The following DCX variants were observed in gnomAD, a reference collection of about 807,000 sequenced individuals.
DCX encodes the protein neuronal migration protein doublecortin.
Under a neutral mutation model 20.9 loss-of-function variants are expected in DCX, and 4 were observed. That is an observed-to-expected ratio of 0.19 (90% CI 0.09 to 0.44). The LOEUF (loss-of-function observed/expected upper bound fraction) is 0.44. Among genes scored for constraint, DCX ranks in the 20% least tolerant of loss-of-function variants. The pLI, the probability that DCX is intolerant of heterozygous loss-of-function variation, is 0.99. For missense variants in DCX, 133 were observed against 296.9 expected (o/e 0.45, Z 4.06); for synonymous variants, 103 against 111.4 (o/e 0.92, Z 0.47).
intron 6 of DCX, 35 bp downstream of exon 6, chrX:111,312,604 G>C: frequency 8.5e-7 from 1 of 1,179,228 alleles, no homozygotes; most frequent in Non-Finnish European, 1.2e-6. Context: ...AGGAAACTGA[G>C]TGCAAAGAGG....
rs762062884 is a variant in DCX at position 111,389,353 on chromosome X, T to C, written c.705+11637A>G. On this transcript the variant is annotated intron_variant, in intron 3 of 6. Transcript: ENST00000636035. ...TACCCACCCATTTAATGCAAATGTC[T>C]ACAGGGCCTTTTCCTTGGACAATTT... Among the ~76,000 whole-genome samples, 89 of 111,353 alleles carry C rather than the reference T, an allele frequency of 8.0e-4. 1 individual carries two copies. The highest frequency in any genetic ancestry group is 1.5e-3 in the Non-Finnish European group (81 of 53,057).
rs148702836 is a variant in DCX at position 111,398,519 on chromosome X, G to A, written c.705+2471C>T. ...TATACAGAGGTACAGATGCCTGAAAGGGCATGGTTCAGATCCACTGGGCAC... is the reference window on the plus strand; with the variant it reads ...TATACAGAGGTACAGATGCCTGAAAAGGCATGGTTCAGATCCACTGGGCAC... On this transcript the variant is annotated intron_variant, in intron 3 of 6. Transcript: ENST00000636035. 9.5e-3 allele frequency among the ~76,000 whole-genome samples: 1,063 copies of A among 111,418 alleles called. 16 individuals are homozygous for A. The highest frequency in any genetic ancestry group is 0.033 in the African/African-American group (997 of 30,640).
At chrX:111,378,022 T>C (rs1323073097) in intron 3 of DCX, among the ~76,000 whole-genome samples, 1 of 111,127 alleles carries the variant, frequency 9.0e-6, no homozygotes, top group African/African-American at 3.3e-5. Context: ...GGACAAAACG[T>C]AGGGGCCAAG....
intron 4 of DCX, among the ~76,000 whole-genome samples, 163 bp downstream of exon 4, chrX:111,332,888 T>C (rs1415057057): frequency 2.7e-5 from 3 of 111,290 alleles, no homozygotes; most frequent in Non-Finnish European, 5.7e-5. Flanking sequence ...CAGTCTTACA[T>C]GGGTCATGAC....
rs188444796 is a variant in DCX, at chrX:111,383,158, T to C, written c.705+17832A>G. On this transcript the variant is annotated intron_variant, in intron 3 of 6. Coordinates refer to ENST00000636035, the MANE Select transcript of DCX (RefSeq NM_001195553.2). Reference sequence around the variant, plus strand: ...TCCTAAGCAAAAATGCCTGATACCATGCTAAAATCCCCAAACCTCATTCCT... The same window carrying C: ...TCCTAAGCAAAAATGCCTGATACCACGCTAAAATCCCCAAACCTCATTCCT... Among the ~76,000 whole-genome samples, 34 of 111,104 alleles carry C rather than the reference T, an allele frequency of 3.1e-4. No homozygotes were observed. In the East Asian group the frequency reaches 9.7e-3, roughly 32 times the overall value.
At chrX:111,345,288 C>T (rs193268607) in intron 3 of DCX, among the ~76,000 whole-genome samples, 3 of 111,988 alleles carry the variant, frequency 2.7e-5, no homozygotes, top group African/African-American at 9.7e-5. Flanking sequence ...ACCATAAGAA[C>T]CCTAGAAGAA....
At position 111,296,709 on chromosome X, in the gene DCX, A is replaced by C. The variant is rs1388292003; in HGVS notation, c.*4978T>G. 1.9e-5 allele frequency: 2 copies of C among 107,442 alleles called. No homozygotes were observed. The highest frequency in any genetic ancestry group is 2.0e-4 in the Admixed American group (2 of 10,064). The allele number at this position is 107,442 out of a possible 1,213,427, so 8.9% of individuals were successfully genotyped here. On this transcript the variant is annotated 3_prime_UTR_variant, in exon 7 of 7. Transcript: ENST00000636035. ...CTGGGAGGTGAAGGGTGAAGGTTGC[A>C]GCGAGCCAAGATTGTGCCACTGCAC...
intron 3 of DCX, among the ~76,000 whole-genome samples, chrX:111,379,159 A>G (rs1240689833): frequency 1.8e-5 from 2 of 112,552 alleles, no homozygotes; most frequent in East Asian, 2.8e-4. Context: ...CGCATAAACT[A>G]TATTACTGAA....
At position 111,311,051 on chromosome X, in the gene DCX, G is replaced by C. The variant is rs910400807; in HGVS notation, c.1044+1588C>G. Among the ~76,000 whole-genome samples, 5 of 112,428 alleles carry C rather than the reference G, an allele frequency of 4.4e-5. No homozygotes were observed. In the Admixed American group the frequency reaches 4.7e-4, roughly 11 times the overall value. On this transcript the variant is annotated intron_variant, in intron 6 of 6. Coordinates refer to ENST00000636035, the MANE Select transcript of DCX (RefSeq NM_001195553.2). ...ACCAAAAGGAAGGTAAGGGCAGAAA[G>C]GCATATAGGAGGTGCTGTGTGGACA...
intron 3 of DCX, among the ~76,000 whole-genome samples, chrX:111,377,106 C>T (rs1019921851): frequency 1.8e-5 from 2 of 111,519 alleles, no homozygotes; most frequent in African/African-American, 3.3e-5. Context: ...CCCTCCTCCT[C>T]CTGCCTCCAC....
At chrX:111,308,052 A>G (rs1034914421) in intron 6 of DCX, among the ~76,000 whole-genome samples, 2 of 112,352 alleles carry the variant, frequency 1.8e-5, no homozygotes, top group Non-Finnish European at 3.8e-5. Flanking sequence ...TTTCGTATTC[A>G]GAATGTATTT....
At position 111,387,322 on chromosome X, in the gene DCX, A is replaced by G. The variant is rs1926599651; in HGVS notation, c.705+13668T>C. Among the ~76,000 whole-genome samples the G allele has an allele frequency of 1.2e-4, 13 of 111,954 alleles. No individual in the cohort carries two copies. In the South Asian group the frequency reaches 4.9e-3, roughly 42 times the overall value. On this transcript the variant is annotated intron_variant, in intron 3 of 6. Transcript: ENST00000636035. ...ATATATACATCTTTATATCAGCACA[A>G]TGGTAGTTTGTTTTTTAGTGGAGGA...
intron 3 of DCX, among the ~76,000 whole-genome samples, chrX:111,397,264 T>G (rs978172235): frequency 3.6e-5 from 4 of 111,486 alleles, no homozygotes; most frequent in Non-Finnish European, 3.8e-5. Flanking sequence ...AATCAAGCGA[T>G]GGCCTTGATT....
At chrX:111,410,886 C>G in intron 1 of DCX, 6 of 1,211,280 alleles carry the variant, frequency 5.0e-6, no homozygotes, top group Non-Finnish European at 6.7e-6. Context: ...TTGAAGAGAA[C>G]AGAAGGAGCT....
intron 3 of DCX, among the ~76,000 whole-genome samples, chrX:111,361,706 T>G (rs933273932): frequency 4.4e-5 from 5 of 112,519 alleles, no homozygotes; most frequent in African/African-American, 1.6e-4. Flanking sequence ...CTTTAAATCA[T>G]CTGTACATTT....
chrX:111,336,964 A>C (rs958709126), intron 3 of DCX, among the ~76,000 whole-genome samples: 1 of 111,495 alleles, frequency 9.0e-6, no homozygotes, highest in Non-Finnish European at 1.9e-5. Flanking sequence ...AGAAGAAGGA[A>C]AAGAAGGAGG....
intron 3 of DCX, among the ~76,000 whole-genome samples, chrX:111,374,880 C>T (rs898244774): frequency 1.9e-5 from 2 of 107,037 alleles, no homozygotes; most frequent in Non-Finnish European, 3.8e-5. Context: ...TAGGTTGTCT[C>T]GCCACCTGCT....
intron 3 of DCX, among the ~76,000 whole-genome samples, chrX:111,369,849 C>A (rs1377640056): frequency 9.0e-6 from 1 of 111,643 alleles, no homozygotes; most frequent in African/African-American, 3.3e-5. Flanking sequence ...TTAGGGTCCA[C>A]AACAGAGTCC....
At chrX:111,405,681 TA>T (rs999778746) in intron 2 of DCX, among the ~76,000 whole-genome samples, 20 of 109,160 alleles carry the variant, frequency 1.8e-4, no homozygotes, top group South Asian at 4.0e-4. Flanking sequence ...AGAAAGATTC[TA>T]AAAAAAATAA....
Sources: gnomAD v4.1 joint callset for allele counts (sites outside exome capture counted in the v4.1 genomes callset) on GRCh38, gnomAD v4.1.1 for gene constraint, MANE v1.5 for transcripts, NCBI Gene and HGNC (gene_info 2026-07-23, HGNC 2026-07-21) for gene names.